The following CADPS variants were observed in gnomAD, a reference collection of about 807,000 sequenced individuals.
CADPS encodes the protein calcium dependent secretion activator, also known as calcium-dependent secretion activator 1.
Under a neutral mutation model 167.3 loss-of-function variants are expected in CADPS, and 57 were observed. That is an observed-to-expected ratio of 0.34 (90% CI 0.28 to 0.42). The LOEUF (loss-of-function observed/expected upper bound fraction) is 0.42. Among genes scored for constraint, CADPS ranks in the 20% least tolerant of loss-of-function variants. The pLI, the probability that CADPS is intolerant of heterozygous loss-of-function variation, is 1.00. For missense variants in CADPS, 1,414 were observed against 1,738.1 expected (o/e 0.81, Z 3.32); for synonymous variants, 676 against 635.3 (o/e 1.06, Z -0.96).
chr3:62,656,778 T>G (rs2071714066), intron 4 of CADPS, among the ~76,000 whole-genome samples: 2 of 152,208 alleles, frequency 1.3e-5, no homozygotes, highest in Non-Finnish European at 2.9e-5. Flanking sequence ...TAAAAGGCAC[T>G]TTGGGCTCAG....
chr3:62,477,951 A>C (rs1483817410), intron 23 of CADPS: 5 of 292,848 alleles, frequency 1.7e-5, no homozygotes, highest in Admixed American at 4.3e-5. Context: ...AATACTTACT[A>C]GTTAAGTATT....
In CADPS at chr3:62,619,892, A is replaced by G. The variant is rs190111029; in HGVS notation, c.1325+25830T>C. ...AGGTGCTTTGTTGGAGACCATCAAT[A>G]TATTATTATTTGTGGACAGAGGCTG... On this transcript the variant is annotated intron_variant, in intron 6 of 29. Transcript: ENST00000383710. Among the ~76,000 whole-genome samples the G allele has an allele frequency of 1.8e-3, 271 of 152,134 alleles. 1 individual carries two copies. Among genetic ancestry groups the G allele is most frequent in the Non-Finnish European group, 9.4e-4 (64 of 67,988 alleles).
At chr3:62,563,877 C>G (rs753680823) in intron 9 of CADPS, among the ~76,000 whole-genome samples, 16 of 152,246 alleles carry the variant, frequency 1.1e-4, no homozygotes, top group Non-Finnish European at 1.8e-4. Flanking sequence ...TAATTCATTC[C>G]TTTTTATGGA....
intron 3 of CADPS, among the ~76,000 whole-genome samples, chr3:62,719,543 A>G (rs1282126228): frequency 6.6e-5 from 10 of 152,216 alleles, no homozygotes; most frequent in Non-Finnish European, 5.9e-5. Context: ...TCTGTATGGT[A>G]TGCAGTGCAA....
chr3:62,460,236 G>A (rs2059168316), intron 26 of CADPS, among the ~76,000 whole-genome samples: 1 of 152,188 alleles, frequency 6.6e-6, no homozygotes, highest in Non-Finnish European at 1.5e-5. Flanking sequence ...ACTTAGCACA[G>A]TGTCCGGCAC....
At chr3:62,633,967 C>T (rs7645811) in intron 6 of CADPS, among the ~76,000 whole-genome samples, 125,520 of 152,188 alleles carry the variant, frequency 0.82, 51,888 homozygotes, top group East Asian at 0.9. Context: ...ATACAACACA[C>T]TTAGGACAGA....
intron 3 of CADPS, among the ~76,000 whole-genome samples, chr3:62,724,869 G>C (rs1321165944): frequency 6.6e-6 from 1 of 152,216 alleles, no homozygotes; most frequent in African/African-American, 2.4e-5. Context: ...CTATTCTCAG[G>C]ATAAGCTTAA....
chr3:62,609,409 G>A (rs1284412145), intron 6 of CADPS, among the ~76,000 whole-genome samples: 1 of 152,140 alleles, frequency 6.6e-6, no homozygotes, highest in African/African-American at 2.4e-5. Flanking sequence ...TACCTTTTAA[G>A]GTTTCCACCA....
At chr3:62,476,802 T>C (rs2061383213) in intron 23 of CADPS, among the ~76,000 whole-genome samples, 1 of 152,216 alleles carries the variant, frequency 6.6e-6, no homozygotes, top group African/African-American at 2.4e-5. Context: ...TTTACTGTAA[T>C]GCATTTCACC....
chr3:62,714,333 A>G (rs1211677966), intron 3 of CADPS, among the ~76,000 whole-genome samples: 1 of 152,158 alleles, frequency 6.6e-6, no homozygotes, highest in Non-Finnish European at 1.5e-5. Flanking sequence ...CATTTTCTTC[A>G]TTTTTGTGAC....
At chr3:62,538,967 T>G (rs1323885152) in intron 11 of CADPS, among the ~76,000 whole-genome samples, 1 of 152,152 alleles carries the variant, frequency 6.6e-6, no homozygotes, top group African/African-American at 2.4e-5. Flanking sequence ...CTAGTCGAAG[T>G]CTAAAGAACA....
intron 17 of CADPS, among the ~76,000 whole-genome samples, chr3:62,509,477 A>G (rs1373189982): frequency 6.6e-6 from 1 of 151,846 alleles, no homozygotes; most frequent in Non-Finnish European, 1.5e-5. Context: ...TGTGTTGGTG[A>G]GTTTTGCCAG....
intron 6 of CADPS, among the ~76,000 whole-genome samples, chr3:62,633,167 G>A (rs1202213013): frequency 3.3e-5 from 5 of 152,124 alleles, no homozygotes; most frequent in African/African-American, 9.7e-5. Flanking sequence ...GAAAAAGAGC[G>A]GACAATGGGA....
intron 2 of CADPS, among the ~76,000 whole-genome samples, chr3:62,760,033 G>A (rs1575985726): frequency 6.6e-6 from 1 of 152,064 alleles, no homozygotes; most frequent in Non-Finnish European, 1.5e-5. Context: ...TAGATTAGGA[G>A]CAAAAGTACT....
intron 2 of CADPS, among the ~76,000 whole-genome samples, chr3:62,763,796 G>A (rs2086157845): frequency 6.6e-6 from 1 of 152,196 alleles, no homozygotes; most frequent in South Asian, 2.1e-4. Context: ...GAAGACAGCA[G>A]TTAGATCATT....
chr3:62,405,911 G>C (rs898027086), intron 28 of CADPS, among the ~76,000 whole-genome samples: 5 of 152,182 alleles, frequency 3.3e-5, no homozygotes, highest in African/African-American at 1.2e-4. Context: ...AAAAACAGGA[G>C]GCAATGCCTT....
intron 19 of CADPS, among the ~76,000 whole-genome samples, chr3:62,493,153 AAT>A (rs1229410338): frequency 7.2e-5 from 11 of 152,260 alleles, no homozygotes; most frequent in South Asian, 6.2e-4. Context: ...AAAACCAAAA[AAT>A]ATCAGTGAAG....
intron 1 of CADPS, among the ~76,000 whole-genome samples, chr3:62,774,789 G>T (rs143926832): frequency 6.6e-6 from 1 of 152,114 alleles, no homozygotes; most frequent in Non-Finnish European, 1.5e-5. Context: ...TATATGAAGA[G>T]AATCTGGCCT....
At chr3:62,549,432 G>A (rs1289560656) in intron 11 of CADPS, among the ~76,000 whole-genome samples, 1 of 141,602 alleles carries the variant, frequency 7.1e-6, no homozygotes, top group East Asian at 2.2e-4. Context: ...TGGGATTTTA[G>A]GTACCATGTT....
Sources: allele counts gnomAD v4.1 joint callset (sites outside exome capture counted in the v4.1 genomes callset), GRCh38; gene constraint gnomAD v4.1.1; transcripts MANE v1.5; gene names NCBI Gene and HGNC (gene_info 2026-07-23, HGNC 2026-07-21).